The following CRLF3 variants were observed in gnomAD, a reference collection of about 807,000 sequenced individuals.
CRLF3 encodes cytokine receptor-like factor 3.
CRLF3 carries 33 observed loss-of-function variants against 55.0 expected under a neutral mutation model. The observed-to-expected ratio is 0.60, with a 90% CI of 0.46 to 0.80. The LOEUF (loss-of-function observed/expected upper bound fraction) is 0.80, where lower values mean the gene tolerates loss of function less well. CRLF3 is among the 30% of genes least tolerant of loss of function. The probability of loss-of-function intolerance (pLI) is 0.00; values close to 1 mark genes in which losing one functional copy is unlikely to be tolerated. For missense variants in CRLF3, 494 were observed against 538.4 expected (o/e 0.92, Z 0.82); for synonymous variants, 238 against 196.8 (o/e 1.21, Z -1.75).
chr17:30,819,693 G>T (rs1396701205), intron 1 of CRLF3, among the ~76,000 whole-genome samples: 5 of 152,104 alleles, frequency 3.3e-5, no homozygotes, highest in Admixed American at 3.3e-4. Context: ...GGCCAGGCTG[G>T]ATCTCTACTT....
At chr17:30,799,533 C>CTT (rs561989013) in intron 2 of CRLF3, among the ~76,000 whole-genome samples, 3 of 144,958 alleles carry the variant, frequency 2.1e-5, no homozygotes, top group African/African-American at 5.0e-5. Flanking sequence ...CAGGATTTAT[C>CTT]TTTTTTTTTT....
chr17:30,824,595 G>A lies in CRLF3; in HGVS notation c.57C>T (p.Asn19=), dbSNP rs1275167879. Residue 19 remains asparagine, a synonymous_variant, in exon 1 of 8, where the codon AAC becomes AAT. Coordinates refer to ENST00000324238, the MANE Select transcript of CRLF3 (RefSeq NM_015986.4). ...GCCGGTAGCTCTGCGCTGCCTCCAC[G>A]TTCTCGCGGGCCTCCTGCAACAGCA... ...PELLLQEARE[N]VEAAQSYRRE... The A allele has an allele frequency of 4.4e-6, 7 of 1,605,242 alleles. No individual in the cohort carries two copies. The highest frequency in any genetic ancestry group is 2.2e-5 in the South Asian group (2 of 90,866).
At chr17:30,814,733 G>T (rs1015217540) in intron 1 of CRLF3, among the ~76,000 whole-genome samples, 4 of 152,150 alleles carry the variant, frequency 2.6e-5, no homozygotes, top group African/African-American at 9.6e-5. Flanking sequence ...CGGGCATGGT[G>T]GCTCATGCCT....
chr17:30,813,398 T>C (rs1904683616), intron 1 of CRLF3, among the ~76,000 whole-genome samples: 1 of 152,226 alleles, frequency 6.6e-6, no homozygotes. Context: ...TATAATGAAA[T>C]GAATTATGTT....
chr17:30,820,771 A>G (rs2142277091), intron 1 of CRLF3, among the ~76,000 whole-genome samples: 1 of 146,786 alleles, frequency 6.8e-6, no homozygotes, highest in South Asian at 2.2e-4. Context: ...GGTTGCAATG[A>G]GCCAAGATTG....
chr17:30,823,964 C>T (rs1160549448), intron 1 of CRLF3, among the ~76,000 whole-genome samples: 1 of 152,102 alleles, frequency 6.6e-6, no homozygotes. Flanking sequence ...AAAAAGCATT[C>T]AAGATCGTAT....
intron 2 of CRLF3, among the ~76,000 whole-genome samples, chr17:30,799,065 A>C (rs752126373): frequency 6.6e-6 from 1 of 152,060 alleles, no homozygotes; most frequent in Non-Finnish European, 1.5e-5. Context: ...CGAGGTCAGG[A>C]GTGCTAGACC....
intron 1 of CRLF3, among the ~76,000 whole-genome samples, chr17:30,820,823 CA>C (rs1163338509): frequency 0.015 from 968 of 64,984 alleles, 6 homozygotes; most frequent in South Asian, 0.05. Flanking sequence ...GAGACTCTCT[CA>C]AAAAAAAAAA....
intron 7 of CRLF3, among the ~76,000 whole-genome samples, 169 bp downstream of exon 7, chr17:30,785,750 C>G (rs1272674225): frequency 6.6e-6 from 1 of 150,834 alleles, no homozygotes; most frequent in African/African-American, 2.4e-5. Flanking sequence ...CCACTGTACT[C>G]CAGCCTGAGT....
chr17:30,808,889 G>A (rs919327455), intron 1 of CRLF3, among the ~76,000 whole-genome samples: 24 of 152,228 alleles, frequency 1.6e-4, no homozygotes, highest in African/African-American at 5.5e-4. Flanking sequence ...CACCGCACCC[G>A]GCCAAATCTG....
intron 6 of CRLF3, chr17:30,787,633 T>C (rs1162088909): frequency 6.6e-6 from 1 of 152,146 alleles, no homozygotes; most frequent in Admixed American, 6.6e-5. Flanking sequence ...GATTGTGAAA[T>C]AGCAAACATG....
At chr17:30,805,675 T>C (rs372085959) in intron 1 of CRLF3, among the ~76,000 whole-genome samples, 2 of 149,578 alleles carry the variant, frequency 1.3e-5, no homozygotes, top group South Asian at 2.1e-4. Context: ...GATCGCGCCA[T>C]TGCACTCCAG....
chr17:30,786,007 G>C lies in CRLF3; in HGVS notation c.984C>G (p.Asp328Glu), dbSNP rs1971638723. Reference protein sequence around the residue: ...TFRVETVGQPDRRDSIGVCAE... With the variant: ...TFRVETVGQPERRDSIGVCAE... ...CACACACTCCTATGCTATCTCTTCT[G>C]TCTGGCTGTCCCACAGTTTCAACTC... The change falls in exon 7 of 8, where the codon GAC (aspartate) becomes GAG (glutamate). Residue 328 changes from aspartate to glutamate, a missense_variant. Asp to Glu is a conservative substitution (Grantham distance 45). Transcript: ENST00000324238. The C allele has an allele frequency of 1.2e-6, 2 of 1,609,170 alleles. No individual in the cohort carries two copies. The highest frequency in any genetic ancestry group is 1.7e-6 in the Non-Finnish European group (2 of 1,176,080).
chr17:30,793,576 A>C lies in CRLF3; in HGVS notation c.700T>G (p.Phe234Val), dbSNP rs1211893286. Reference sequence around the variant, plus strand: ...TTGGGGTCTATGTGCAATACTATGAATTCAGTTTCAGAACCTACATATACA... The same window carrying C: ...TTGGGGTCTATGTGCAATACTATGACTTCAGTTTCAGAACCTACATATACA... ...EDVYVGSETE[F>V]IVLHIDPNVD... is the part of the protein sequence containing the mutation. Residue 234 changes from phenylalanine to valine, a missense_variant, in exon 5 of 8, where the codon TTC (phenylalanine) becomes GTC (valine). By Grantham distance (50) the Phe-to-Val change is conservative (BLOSUM62 -1). Transcript: ENST00000324238. 2 of 1,613,928 alleles carry C rather than the reference A, an allele frequency of 1.2e-6. No individual in the cohort carries two copies. Among genetic ancestry groups the C allele is most frequent in the Non-Finnish European group, 1.7e-6 (2 of 1,179,964 alleles).
chr17:30,783,848 AATATTACATT>A lies in CRLF3; in HGVS notation c.*329_*338del. ...GATCCTTTAAGATGATTTTAAAAATAATATTACATTAAGTTTTCCTGGTCTAATAACCAAC... is the reference window on the plus strand; with the variant it reads ...GATCCTTTAAGATGATTTTAAAAATAAAGTTTTCCTGGTCTAATAACCAAC... On this transcript the variant is annotated 3_prime_UTR_variant, in exon 8 of 8. Coordinates refer to ENST00000324238, the MANE Select transcript of CRLF3 (RefSeq NM_015986.4). The A allele has an allele frequency of 5.2e-6, 1 of 193,408 alleles. No individual in the cohort carries two copies. Among genetic ancestry groups the A allele is most frequent in the East Asian group, 1.3e-4 (1 of 7,526 alleles). The allele number at this position is 193,408 out of a possible 1,614,324, so 12.0% of individuals were successfully genotyped here.
rs1469801636 is a variant in CRLF3, at chr17:30,797,404, A to G, written c.338-6T>C. 6.8e-6 allele frequency: 11 copies of G among 1,606,912 alleles called. No homozygotes were observed. The highest frequency in any genetic ancestry group is 9.4e-6 in the Non-Finnish European group (11 of 1,173,470). On this transcript the variant is annotated splice_region_variant and splice_polypyrimidine_tract_variant and intron_variant, in intron 2 of 7. Transcript: ENST00000324238. ...ACCAAGCATGGCGATTTCACCTACA[A>G]TCAAGAATAAGAGAACTAGAACAAT...
intron 1 of CRLF3, among the ~76,000 whole-genome samples, chr17:30,815,953 G>A (rs950907213): frequency 6.7e-6 from 1 of 149,554 alleles, no homozygotes; most frequent in South Asian, 2.1e-4. Context: ...CTGTACATTG[G>A]TGTTGTTCAG....
chr17:30,793,713 G>T, intron 4 of CRLF3, 41 bp from the exon 5 acceptor site: 2 of 1,438,490 alleles, frequency 1.4e-6, no homozygotes, highest in South Asian at 1.2e-5. Context: ...AACAGAAAAT[G>T]ACTTCTCTCA....
intron 6 of CRLF3, among the ~76,000 whole-genome samples, chr17:30,791,627 C>G (rs1971803983): frequency 6.6e-6 from 1 of 151,240 alleles, no homozygotes; most frequent in Non-Finnish European, 1.5e-5. Context: ...ACGCCATTCT[C>G]CTGCCTCAGC....
Sources: allele counts gnomAD v4.1 joint callset (sites outside exome capture counted in the v4.1 genomes callset), GRCh38; gene constraint gnomAD v4.1.1; transcripts MANE v1.5; gene names NCBI Gene and HGNC (gene_info 2026-07-23, HGNC 2026-07-21).